Variants in MAGI2 observed in about 807,000 individuals in gnomAD.
MAGI2 encodes the protein membrane-associated guanylate kinase, WW and PDZ domain-containing protein 2.
MAGI2 carries 35 observed loss-of-function variants against 133.3 expected under a neutral mutation model. That is an observed-to-expected ratio of 0.26 (90% CI 0.20 to 0.35). MAGI2 has a LOEUF of 0.35. Ranked by LOEUF, MAGI2 falls within the 10% of genes least tolerant of loss-of-function variation. The pLI, the probability that MAGI2 is intolerant of heterozygous loss-of-function variation, is 1.00. For synonymous variants in MAGI2, 729 were observed against 710.6 expected, an observed-to-expected ratio of 1.03 and a Z score of -0.41; for missense variants, 1,636 against 1,863.4, an observed-to-expected ratio of 0.88 and a Z score of 2.25.
chr7:79,136,020 A>G (rs10248475), intron 1 of MAGI2, among the ~76,000 whole-genome samples: 29 of 112,734 alleles, frequency 2.6e-4, no homozygotes, highest in Middle Eastern at 4.0e-3. Flanking sequence ...AAAGAAAGAA[A>G]GAAAGAAGGA....
At chr7:78,084,329 T>G (rs1816377627) in intron 20 of MAGI2, among the ~76,000 whole-genome samples, 1 of 152,198 alleles carries the variant, frequency 6.6e-6, no homozygotes, top group Non-Finnish European at 1.5e-5. Context: ...CCACTGACAC[T>G]AGACCCCTCA....
intron 2 of MAGI2, among the ~76,000 whole-genome samples, chr7:78,664,727 T>C (rs1011474593): frequency 3.8e-5 from 2 of 52,654 alleles, no homozygotes; most frequent in African/African-American, 1.2e-4. Flanking sequence ...TTCTCTTTAT[T>C]CTATTCTAAC....
At chr7:78,369,023 G>C (rs907478275) in intron 7 of MAGI2, 133 bp downstream of exon 7, 61 of 580,490 alleles carry the variant, frequency 1.1e-4, no homozygotes, top group Middle Eastern at 6.8e-4. Context: ...AGTGCTGCTA[G>C]TCTTGGTGGA....
intron 2 of MAGI2, among the ~76,000 whole-genome samples, chr7:78,771,807 C>T (rs183102714): frequency 1.3e-5 from 2 of 152,038 alleles, no homozygotes; most frequent in African/African-American, 2.4e-5. Context: ...ACAAAAACAC[C>T]AAAGCACATA....
At chr7:78,406,015 C>T (rs1797342085) in intron 6 of MAGI2, among the ~76,000 whole-genome samples, 1 of 152,020 alleles carries the variant, frequency 6.6e-6, no homozygotes, top group East Asian at 1.9e-4. Flanking sequence ...CAGAGGACCA[C>T]AGAAAAAGTG....
chr7:79,004,057 C>T (rs978187520), intron 2 of MAGI2, among the ~76,000 whole-genome samples: 6 of 152,094 alleles, frequency 3.9e-5, no homozygotes, highest in Admixed American at 1.3e-4. Context: ...TCTCAAAAAA[C>T]TGAAATAGAA....
chr7:78,809,256 T>A (rs1788843002), intron 2 of MAGI2, among the ~76,000 whole-genome samples: 1 of 152,186 alleles, frequency 6.6e-6, no homozygotes, highest in South Asian at 2.1e-4. Flanking sequence ...TGGATAGACA[T>A]CTCAGTACTT....
intron 6 of MAGI2, among the ~76,000 whole-genome samples, chr7:78,404,316 T>G (rs1163513544): frequency 6.6e-6 from 1 of 152,148 alleles, no homozygotes; most frequent in African/African-American, 2.4e-5. Context: ...TGGAAAAAAC[T>G]ACTTTAGAGT....
intron 20 of MAGI2, among the ~76,000 whole-genome samples, chr7:78,091,836 G>A (rs1355854978): frequency 1.3e-5 from 2 of 152,160 alleles, no homozygotes; most frequent in African/African-American, 4.8e-5. Flanking sequence ...ATGATGTATT[G>A]TTAACCTTTG....
chr7:78,922,467 T>A (rs1199485031), intron 2 of MAGI2, among the ~76,000 whole-genome samples: 2 of 151,696 alleles, frequency 1.3e-5, no homozygotes, highest in Non-Finnish European at 2.9e-5. Flanking sequence ...CTTGCGATAG[T>A]TTACTGAGAA....
chr7:78,903,331 C>T lies in MAGI2; in HGVS notation c.418+103759G>A, dbSNP rs567713828. Among the ~76,000 whole-genome samples the T allele has an allele frequency of 2.6e-5, 4 of 151,732 alleles. No individual in the cohort carries two copies. In the East Asian group the frequency reaches 5.9e-4, roughly 22 times the overall value. On this transcript the variant is annotated intron_variant, in intron 2 of 21. Transcript: ENST00000354212. ...GCCTCAGCCTCCCAGGTAGCTGGGA[C>T]TACAGGCGCCCGCTACCACGCCCGG...
chr7:78,712,866 T>C (rs1337519774), intron 2 of MAGI2, among the ~76,000 whole-genome samples: 1 of 151,946 alleles, frequency 6.6e-6, no homozygotes, highest in Non-Finnish European at 1.5e-5. Flanking sequence ...CCAAGACAAA[T>C]GGAAAGCAAA....
At chr7:78,881,984 C>T (rs562083) in intron 2 of MAGI2, among the ~76,000 whole-genome samples, 22,181 of 139,974 alleles carry the variant, frequency 0.16, 1,916 homozygotes, top group Middle Eastern at 0.22. Context: ...AAATGGAGAC[C>T]CAAAAACCCA....
At chr7:78,814,130 A>G (rs1282553504) in intron 2 of MAGI2, among the ~76,000 whole-genome samples, 1 of 152,202 alleles carries the variant, frequency 6.6e-6, no homozygotes, top group African/African-American at 2.4e-5. Context: ...CAACTTGTAG[A>G]TCTAATAAGT....
intron 2 of MAGI2, among the ~76,000 whole-genome samples, chr7:78,953,980 A>AAAC (rs1802077258): frequency 2.0e-5 from 3 of 152,294 alleles, no homozygotes; most frequent in African/African-American, 7.2e-5. Flanking sequence ...TTTTCATTTG[A>AAAC]AATTTTCAAA....
chr7:79,251,936 C>A (rs1259048342), intron 1 of MAGI2, among the ~76,000 whole-genome samples: 1 of 151,798 alleles, frequency 6.6e-6, no homozygotes, highest in Non-Finnish European at 1.5e-5. Context: ...GCAGGAGGAT[C>A]ACTAGAGCCC....
Position 78,664,749 on chromosome 7 carries a change from C to G in MAGI2, c.419-37510G>C, listed in dbSNP as rs564324517. Among the ~76,000 whole-genome samples, 18 of 151,642 alleles carry G rather than the reference C, an allele frequency of 1.2e-4. No individual in the cohort carries two copies. The South Asian group carries it at 1.7e-3, about 14-fold the overall frequency. On this transcript the variant is annotated intron_variant, in intron 2 of 21. Coordinates refer to ENST00000354212, the MANE Select transcript of MAGI2 (RefSeq NM_012301.4). ...TATTCTATTCTAACAATTATTAATA[C>G]GTGCCTAAGTAAAAACAAAAAAATA...
intron 6 of MAGI2, among the ~76,000 whole-genome samples, chr7:78,370,424 G>A (rs1222745262): frequency 6.6e-6 from 1 of 151,854 alleles, no homozygotes; most frequent in Non-Finnish European, 1.5e-5. Flanking sequence ...TTCTATTTTT[G>A]AATATTTGGG....
chr7:79,240,358 G>GAAAA (rs762841388), intron 1 of MAGI2, among the ~76,000 whole-genome samples: 1 of 88,436 alleles, frequency 1.1e-5, no homozygotes, highest in African/African-American at 3.8e-5. Flanking sequence ...TTATCAGAAT[G>GAAAA]AAAAAAAAAA....
Sources: allele counts gnomAD v4.1 joint callset (sites outside exome capture counted in the v4.1 genomes callset), GRCh38; gene constraint gnomAD v4.1.1; transcripts MANE v1.5; gene names NCBI Gene and HGNC (gene_info 2026-07-23, HGNC 2026-07-21).